Variants in SLC5A1 observed in about 807,000 individuals in gnomAD.
SLC5A1 encodes the protein sodium/glucose cotransporter 1.
In SLC5A1, 42 loss-of-function variants were observed where a neutral mutation model predicts 73.5. The ratio of observed to expected loss-of-function variants is 0.57; its 90% CI spans 0.45 to 0.74. The LOEUF (loss-of-function observed/expected upper bound fraction) is 0.74, where lower values mean the gene tolerates loss of function less well. SLC5A1 is among the 30% of genes least tolerant of loss of function. The pLI is 0.00. For synonymous variants in SLC5A1, 300 were observed against 317.4 expected (o/e 0.95, Z 0.58); for missense variants, 634 against 855.4 (o/e 0.74, Z 3.23).
At chr22:32,085,485 C>A (rs1044250764) in intron 9 of SLC5A1, among the ~76,000 whole-genome samples, 2 of 151,154 alleles carry the variant, frequency 1.3e-5, no homozygotes, top group East Asian at 1.9e-4. Flanking sequence ...AGACAGTGAG[C>A]AACTTGAGGG....
chr22:32,099,499 C>A, intron 12 of SLC5A1, 148 bp downstream of exon 12: 1 of 817,928 alleles, frequency 1.2e-6, no homozygotes, highest in Non-Finnish European at 2.0e-6. Flanking sequence ...GGAAAGCCTC[C>A]AGGGACCATG....
chr22:32,092,065 A>C (rs1178209202), intron 11 of SLC5A1, among the ~76,000 whole-genome samples: 1 of 152,074 alleles, frequency 6.6e-6, no homozygotes, highest in Non-Finnish European at 1.5e-5. Flanking sequence ...TATACACTGA[A>C]CCCAATTTGT....
chr22:32,105,020 AG>A, intron 14 of SLC5A1, 129 bp downstream of exon 14: 1 of 738,738 alleles, frequency 1.4e-6, no homozygotes, highest in Non-Finnish European at 2.4e-6. Context: ...AGTGAGGAGT[AG>A]GGTGGGGATG....
intron 12 of SLC5A1, among the ~76,000 whole-genome samples, chr22:32,101,341 T>TA (rs1294194687): frequency 2.0e-5 from 3 of 151,006 alleles, no homozygotes; most frequent in Admixed American, 6.6e-5. Context: ...AAGGAAGGAG[T>TA]AAAAAAAACC....
chr22:32,065,790 C>A (rs2093971919), intron 2 of SLC5A1, among the ~76,000 whole-genome samples: 1 of 152,222 alleles, frequency 6.6e-6, no homozygotes, highest in Non-Finnish European at 1.5e-5. Flanking sequence ...ATATTTGGCA[C>A]TAAGCACCAG....
In SLC5A1 at chr22:32,081,861, T is replaced by C; in HGVS notation, c.478-5T>C. 1 of 1,605,164 alleles carries C rather than the reference T, an allele frequency of 6.2e-7. No homozygotes were observed. Among genetic ancestry groups the C allele is most frequent in the Non-Finnish European group, 8.5e-7 (1 of 1,172,456 alleles). On this transcript the variant is annotated splice_region_variant and splice_polypyrimidine_tract_variant and intron_variant, in intron 5 of 14. Transcript: ENST00000266088. ...CTCCTAACTCCGCCTCTCCTCTCCT[T>C]CCAGGCAGACATCTTCTCGGGGGCC...
intron 2 of SLC5A1, among the ~76,000 whole-genome samples, chr22:32,055,201 T>G (rs559734502): frequency 3.9e-5 from 6 of 152,256 alleles, no homozygotes; most frequent in Middle Eastern, 3.4e-3. Flanking sequence ...GAGAAGTTCA[T>G]GAAGGTAATG....
intron 7 of SLC5A1, among the ~76,000 whole-genome samples, chr22:32,084,058 A>G (rs1315203830): frequency 1.3e-5 from 2 of 152,216 alleles, no homozygotes; most frequent in Non-Finnish European, 2.9e-5. Flanking sequence ...TCTAGGCCTG[A>G]GTCCAAGGCT....
intron 14 of SLC5A1, among the ~76,000 whole-genome samples, chr22:32,109,354 G>C (rs2094052078): frequency 6.6e-6 from 1 of 152,192 alleles, no homozygotes; most frequent in Admixed American, 6.5e-5. Context: ...GAGGGAATCA[G>C]TTCCCTTGGT....
rs748784704 is a variant in SLC5A1 at position 32,066,892 on chromosome 22, G to C, written c.208-43G>C. 10 of 1,364,868 alleles carry C rather than the reference G, an allele frequency of 7.3e-6. No individual in the cohort carries two copies. The African/African-American group carries it at 1.4e-4, about 19-fold the overall frequency. 84.5% of individuals were successfully genotyped at this position (1,364,868 alleles called of 1,614,324 possible). ...TCTTTGACCCACTCTGAGTGTCCTG[G>C]GAGAGCACAGAGCCCTCACCTGACT... On this transcript the variant is annotated intron_variant, in intron 2 of 14. Transcript: ENST00000266088.
At chr22:32,070,275 C>A (rs1209272484) in intron 5 of SLC5A1, among the ~76,000 whole-genome samples, 1 of 110,106 alleles carries the variant, frequency 9.1e-6, no homozygotes, top group Admixed American at 9.8e-5. Flanking sequence ...CTCCCCGTCC[C>A]CCCTCCCTCC....
intron 11 of SLC5A1, among the ~76,000 whole-genome samples, chr22:32,098,785 G>A (rs1358762797): frequency 6.6e-6 from 1 of 152,092 alleles, no homozygotes; most frequent in African/African-American, 2.4e-5. Flanking sequence ...ATAATACATA[G>A]CAATATATAC....
At chr22:32,097,523 T>G (rs73881605) in intron 11 of SLC5A1, among the ~76,000 whole-genome samples, 1,532 of 152,284 alleles carry the variant, frequency 0.01, 23 homozygotes, top group African/African-American at 0.035. Flanking sequence ...TTTCAGGACT[T>G]GAAGTGAAAC....
chr22:32,077,292 C>G (rs972309299), intron 5 of SLC5A1, among the ~76,000 whole-genome samples: 6 of 149,188 alleles, frequency 4.0e-5, no homozygotes, highest in African/African-American at 1.5e-4. Context: ...CCCTCTGTTA[C>G]CTTCCCTTTC....
chr22:32,052,494 A>G (rs1046170145), intron 2 of SLC5A1, among the ~76,000 whole-genome samples: 1 of 152,186 alleles, frequency 6.6e-6, no homozygotes, highest in East Asian at 1.9e-4. Flanking sequence ...GGAGAGGAAG[A>G]GAGGGAACCA....
chr22:32,064,387 T>C (rs902712284), intron 2 of SLC5A1, among the ~76,000 whole-genome samples: 1 of 151,930 alleles, frequency 6.6e-6, no homozygotes, highest in East Asian at 1.9e-4. Flanking sequence ...TCCCAGCTAC[T>C]TGGGAGGCTG....
rs35843263 is a variant in SLC5A1, at chr22:32,056,437, CTTTTT to C, written c.207+6438_207+6442del. Among the ~76,000 whole-genome samples the C allele has an allele frequency of 1.6e-3, 198 of 121,610 alleles. 3 individuals are homozygous for C. The highest frequency in any genetic ancestry group is 5.7e-3 in the African/African-American group (188 of 32,958). The allele number at this position is 121,610 out of a possible 152,430, so 79.8% of individuals were successfully genotyped here. A position where few individuals can be genotyped will look rare whatever the true frequency, so the allele number is the denominator to read the frequency against. On this transcript the variant is annotated intron_variant, in intron 2 of 14. Coordinates refer to ENST00000266088, the MANE Select transcript of SLC5A1 (RefSeq NM_000343.4). ...AGGCAAACAATACATACCTTCCTGT[CTTTTT>C]TTTTTTTTTTTTTTAGCATAAGTAT...
rs1426054376 is a variant in SLC5A1, at chr22:32,043,292, G to C, written c.11G>C (p.Ser4Thr). The change falls in exon 1 of 15, where the codon AGC (serine) becomes ACC (threonine). Residue 4 changes from serine to threonine, a missense_variant. By Grantham distance (58) the Ser-to-Thr change is moderately conservative. Transcript: ENST00000266088. This position sits in a 1 kb window ranked among gnomAD's most constrained non-coding sequence, Gnocchi z 6.5. Reference protein sequence around the residue: MDSSTWSPKTTAVT... With the variant: MDSTTWSPKTTAVT... ...CGCAACGCTGCCACCATGGACAGTAGCACCTGGAGCCCCAAGACCACCGCG... is the reference window on the plus strand; with the variant it reads ...CGCAACGCTGCCACCATGGACAGTACCACCTGGAGCCCCAAGACCACCGCG... 6.2e-7 allele frequency: 1 copy of C among 1,614,006 alleles called. No homozygotes were observed. The highest frequency in any genetic ancestry group is 8.5e-7 in the Non-Finnish European group (1 of 1,180,030).
rs376508230 is a variant in SLC5A1, at chr22:32,086,330, G to A, written c.1129+3G>A. On this transcript the variant is annotated splice_donor_region_variant and intron_variant, in intron 10 of 14. Transcript: ENST00000266088. ...AGTGGTGGAGCTCATGCCCAATGGT[G>A]AGATTCTTTCTTGGGAGGTTGGTAG... 6.2e-6 allele frequency: 10 copies of A among 1,600,912 alleles called. No individual in the cohort carries two copies. In the African/African-American group the frequency reaches 1.3e-4, roughly 21 times the overall value.
Sources: gnomAD v4.1 joint callset for allele counts (sites outside exome capture counted in the v4.1 genomes callset) on GRCh38, gnomAD v4.1.1 for gene constraint, Gnocchi (gnomAD v3.1) non-coding constraint, MANE v1.5 for transcripts, NCBI Gene and HGNC (gene_info 2026-07-23, HGNC 2026-07-21) for gene names.